The following ATP8B3 variants were observed in gnomAD, a reference collection of about 807,000 sequenced individuals.
The protein encoded by ATP8B3 is phospholipid-transporting ATPase IK.
A neutral mutation model predicts 140.9 loss-of-function variants in ATP8B3; 141 were observed. That is an observed-to-expected ratio of 1.00 (90% CI 0.87 to 1.15). The LOEUF (loss-of-function observed/expected upper bound fraction) is 1.15, where lower values mean the gene tolerates loss of function less well. ATP8B3 is among the 50% of genes most tolerant of loss of function. The pLI, the probability that ATP8B3 is intolerant of heterozygous loss-of-function variation, is 0.00. For synonymous variants in ATP8B3, 765 were observed against 714.6 expected (o/e 1.07, Z -1.13); for missense variants, 1,874 against 1,740.6 (o/e 1.08, Z -1.36).
At chr19:1,810,285 T>C (rs899048967) in intron 3 of ATP8B3, among the ~76,000 whole-genome samples, 3 of 151,824 alleles carry the variant, frequency 2.0e-5, no homozygotes, top group Non-Finnish European at 4.4e-5. Context: ...TGAGATGGAG[T>C]CTCGCTCTGT....
intron 2 of ATP8B3, among the ~76,000 whole-genome samples, chr19:1,811,224 C>T (rs1480640163): frequency 6.6e-6 from 1 of 152,224 alleles, no homozygotes; most frequent in Non-Finnish European, 1.5e-5. Context: ...TCCTCACCCC[C>T]CCAGGCTGGG....
In ATP8B3 at chr19:1,807,346, C is replaced by T. The variant is rs2069058022; in HGVS notation, c.517-80G>A. 13 of 1,158,258 alleles carry T rather than the reference C, an allele frequency of 1.1e-5. No homozygotes were observed. Among genetic ancestry groups the T allele is most frequent in the South Asian group, 3.9e-5 (3 of 76,662 alleles). 71.7% of individuals were successfully genotyped at this position (1,158,258 alleles called of 1,614,324 possible). A position where few individuals can be genotyped will look rare whatever the true frequency, so the allele number is the denominator to read the frequency against. ...CCCTTCCACCAAGCCGACCTAGCCC[C>T]GCACTCGACACCACGTGACACATCT... On this transcript the variant is annotated intron_variant, in intron 5 of 28. Coordinates refer to ENST00000310127, the MANE Select transcript of ATP8B3 (RefSeq NM_138813.4). The surrounding 1 kb of genome is among the most constrained non-coding windows in gnomAD (Gnocchi z 5.9).
intron 4 of ATP8B3, among the ~76,000 whole-genome samples, chr19:1,809,098 C>T (rs1212941679): frequency 1.3e-5 from 2 of 151,992 alleles, no homozygotes; most frequent in South Asian, 2.1e-4. Flanking sequence ...CACTAGAACC[C>T]GGGAGGCAGA....
chr19:1,791,952 G>C, intron 19 of ATP8B3, 49 bp downstream of exon 19: 48 of 1,208,144 alleles, frequency 4.0e-5, no homozygotes, highest in Non-Finnish European at 5.3e-5. Context: ...CCCCTTGGGT[G>C]CCCCCGCTGC....
rs749646820 is a variant in ATP8B3, at chr19:1,789,391, C to T, written c.2815G>A (p.Asp939Asn). The T allele has an allele frequency of 1.8e-5, 29 of 1,586,564 alleles. No homozygotes were observed. Among genetic ancestry groups the T allele is most frequent in the Non-Finnish European group, 1.7e-6 (2 of 1,170,244 alleles). ...ATCATGTTGATGTCGTTGGCACCGTCCCCGATGGCCAGGGTCACCACCTGG... is the reference window on the plus strand; with the variant it reads ...ATCATGTTGATGTCGTTGGCACCGTTCCCGATGGCCAGGGTCACCACCTGG... ...YHQVVTLAIG[D>N]GANDINMIKT... The change falls in exon 23 of 29, where the codon GAC becomes AAC. Residue 939 changes from aspartate (D) to asparagine (N), a missense_variant. Physicochemically the swap from Asp to Asn is conservative, Grantham distance 23. Around this residue, in one of 3 missense-constraint regions of ATP8B3, gnomAD observed 840 missense variants for 760.9 expected, o/e 1.10. Coordinates refer to ENST00000310127, the MANE Select transcript of ATP8B3 (RefSeq NM_138813.4).
intron 18 of ATP8B3, among the ~76,000 whole-genome samples, chr19:1,793,082 CT>C (rs773629818): frequency 0.051 from 7,002 of 138,168 alleles, 366 homozygotes; most frequent in African/African-American, 0.14. Context: ...ACAGCAAATT[CT>C]TTTTTTTTTT....
chr19:1,786,422 C>T (rs530723271), intron 25 of ATP8B3, among the ~76,000 whole-genome samples: 56 of 151,928 alleles, frequency 3.7e-4, no homozygotes, highest in Non-Finnish European at 8.8e-5. Context: ...AAAAATTAGC[C>T]GGGCATGGTG....
At chr19:1,801,935 G>A in intron 12 of ATP8B3, 21 bp downstream of exon 12, 1 of 1,587,464 alleles carries the variant, frequency 6.3e-7, no homozygotes, top group Non-Finnish European at 8.6e-7. Context: ...CCTGGGGCAG[G>A]GGCACTTGTT....
intron 14 of ATP8B3, among the ~76,000 whole-genome samples, chr19:1,797,707 C>T (rs915933864): frequency 6.6e-5 from 10 of 151,718 alleles, no homozygotes; most frequent in African/African-American, 2.4e-4. Flanking sequence ...ACCATGTTGG[C>T]CAGGCTGGTC....
chr19:1,807,007 C>G lies in ATP8B3; in HGVS notation c.615+161G>C, dbSNP rs1000678039. ...GGCACCTGCCCAATGTGGGTGCTAG[C>G]AGATAAGGACAATGTAGCCCCAGCA... is the stretch of plus-strand genomic sequence containing the variant. On this transcript the variant is annotated intron_variant, in intron 6 of 28. Transcript: ENST00000310127. This position sits in a 1 kb window ranked among gnomAD's most constrained non-coding sequence, Gnocchi z 5.9. 6.6e-6 allele frequency among the ~76,000 whole-genome samples: 1 copy of G among 152,124 alleles called. No homozygotes were observed. The highest frequency in any genetic ancestry group is 1.5e-5 in the Non-Finnish European group (1 of 68,008).
At position 1,782,366 on chromosome 19, in the gene ATP8B3, C is replaced by A; in HGVS notation, c.*662G>T. On this transcript the variant is annotated 3_prime_UTR_variant, in exon 29 of 29. Transcript: ENST00000310127. ...TGGGGGCAAGGATAGCTGCTCCTCCCCGGGCACCAGCAGCCACTCCATGGA... is the reference window on the plus strand; with the variant it reads ...TGGGGGCAAGGATAGCTGCTCCTCCACGGGCACCAGCAGCCACTCCATGGA... 3.8e-6 allele frequency: 1 copy of A among 265,528 alleles called. No homozygotes were observed. Among genetic ancestry groups the A allele is most frequent in the Non-Finnish European group, 7.1e-6 (1 of 141,626 alleles). The allele number at this position is 265,528 out of a possible 1,614,324, so 16.4% of individuals were successfully genotyped here.
intron 5 of ATP8B3, 64 bp downstream of exon 5, chr19:1,808,158 G>T: frequency 7.4e-7 from 1 of 1,351,328 alleles, no homozygotes; most frequent in Non-Finnish European, 1.0e-6. Context: ...CCATCACACA[G>T]ACAAACACAT....
chr19:1,804,167 C>A (rs1448994730), intron 10 of ATP8B3, among the ~76,000 whole-genome samples: 5 of 152,116 alleles, frequency 3.3e-5, no homozygotes, highest in Non-Finnish European at 5.9e-5. Context: ...GTTTCCACAT[C>A]ACGTGTGAAA....
chr19:1,785,749 G>A, intron 25 of ATP8B3, 41 bp from the exon 26 acceptor site: 2 of 1,061,054 alleles, frequency 1.9e-6, no homozygotes, highest in South Asian at 1.4e-5. Context: ...GTGGGGGGCG[G>A]GGGACACCCA....
Position 1,802,539 on chromosome 19 carries a change from T to C in ATP8B3, c.1011A>G (p.Arg337=). 6.2e-7 allele frequency: 1 copy of C among 1,609,202 alleles called. No individual in the cohort carries two copies. The highest frequency in any genetic ancestry group is 8.5e-7 in the Non-Finnish European group (1 of 1,179,126). ...YSLDIGNLLL[R]GCRIRNTDTC... is the part of the protein sequence containing the mutation. Reference sequence around the variant, plus strand: ...TGTCTGTGTTGCGAATCCTGCAGCCTCGGAGGAGGAGGTTGCCAATGTCCA... The same window carrying C: ...TGTCTGTGTTGCGAATCCTGCAGCCCCGGAGGAGGAGGTTGCCAATGTCCA... Residue 337 remains arginine, a synonymous_variant, in exon 11 of 29, where the codon CGA becomes CGG. Coordinates refer to ENST00000310127, the MANE Select transcript of ATP8B3 (RefSeq NM_138813.4).
In ATP8B3 at chr19:1,789,613, G is replaced by T; in HGVS notation, c.2593C>A (p.Arg865Ser). The change falls in exon 23 of 29, where the codon CGC (arginine) becomes AGC (serine). Residue 865 changes from arginine (R) to serine (S), a missense_variant. Physicochemically the swap from Arg to Ser is moderately radical, Grantham distance 110 (BLOSUM62 -1). Transcript: ENST00000310127. ...AACCTCCGGCACAGCAGGGACAGGC[G>T]CCTGGCGTAGAGGAAATCCCTCCTG... ...QSRRDFLYAR[R>S]LSLLCRRFGL... 1 of 1,591,642 alleles carries T rather than the reference G, an allele frequency of 6.3e-7. No homozygotes were observed. The highest frequency in any genetic ancestry group is 1.1e-5 in the South Asian group (1 of 88,696).
Position 1,787,178 on chromosome 19 carries a change from A to G in ATP8B3, c.3078T>C (p.Tyr1026=). ...CYNGFTGQPL[Y]EGWFLALFNL... The stretch of plus-strand genomic sequence containing the variant: ...TGAAAAGAGCCAGGAACCATCCTTC[A>G]TACAGGGGCTGAGCCGGGGGAGAAG... Residue 1026 remains tyrosine (Y), a synonymous_variant, in exon 25 of 29, where the codon TAT becomes TAC. Transcript: ENST00000310127. The G allele has an allele frequency of 6.2e-7, 1 of 1,609,510 alleles. No homozygotes were observed. Among genetic ancestry groups the G allele is most frequent in the South Asian group, 1.1e-5 (1 of 90,284 alleles).
intron 28 of ATP8B3, 87 bp from the exon 29 acceptor site, chr19:1,783,357 C>A: frequency 2.0e-6 from 3 of 1,485,648 alleles, no homozygotes; most frequent in Non-Finnish European, 2.7e-6. Context: ...AGGCAGGATT[C>A]AAAGCCCTTG....
Position 1,800,972 on chromosome 19 carries a change from G to A in ATP8B3, c.1153-523C>T, listed in dbSNP as rs1189498153. Among the ~76,000 whole-genome samples, 1 of 151,024 alleles carries A rather than the reference G, an allele frequency of 6.6e-6. No homozygotes were observed. The highest frequency in any genetic ancestry group is 1.5e-5 in the Non-Finnish European group (1 of 67,736). ...GCCTCCCGAGTAGCTGGGACTACAG[G>A]CGCCCGCCACCACGCCCGGCTAATT... On this transcript the variant is annotated intron_variant, in intron 12 of 28. Transcript: ENST00000310127. The surrounding 1 kb of genome is among the most constrained non-coding windows in gnomAD (Gnocchi z 4.4).
Sources: gnomAD v4.1 joint callset for allele counts (sites outside exome capture counted in the v4.1 genomes callset) on GRCh38, gnomAD v4.1.1 for gene constraint, gnomAD v4.1.1 regional missense constraint, Gnocchi (gnomAD v3.1) non-coding constraint, MANE v1.5 for transcripts, NCBI Gene and HGNC (gene_info 2026-07-23, HGNC 2026-07-21) for gene names.